The following COL5A2 variants were observed in gnomAD, a reference collection of about 807,000 sequenced individuals.
COL5A2 encodes the protein collagen type V alpha 2 chain.
A neutral mutation model predicts 208.2 loss-of-function variants in COL5A2; 23 were observed. The observed-to-expected ratio is 0.11, with a 90% CI of 0.08 to 0.16. The LOEUF (loss-of-function observed/expected upper bound fraction) is 0.16. Among genes scored for constraint, COL5A2 ranks in the 10% least tolerant of loss-of-function variants. The pLI, the probability that COL5A2 is intolerant of heterozygous loss-of-function variation, is 1.00. For missense variants in COL5A2, 1,590 were observed against 1,956.4 expected, an observed-to-expected ratio of 0.81 and a Z score of 3.53; for synonymous variants, 625 against 628.5, an observed-to-expected ratio of 0.99 and a Z score of 0.08.
At chr2:189,344,262 TG>T in the COL5A2 span, among the ~76,000 whole-genome samples, 1 of 152,164 alleles carries the variant, frequency 6.6e-6, no homozygotes, top group Non-Finnish European at 1.5e-5. Context: ...TGAACCAGAA[TG>T]TTGGACGAAA....
chr2:189,137,538 A>T (rs1687849084), intron 1 of COL5A2, among the ~76,000 whole-genome samples: 1 of 152,250 alleles, frequency 6.6e-6, no homozygotes. Context: ...TTAAACAAAA[A>T]ATGATACTTT....
chr2:189,255,401 C>T, the COL5A2 span, among the ~76,000 whole-genome samples: 1 of 152,144 alleles, frequency 6.6e-6, no homozygotes, highest in East Asian at 1.9e-4. Context: ...TTTTCTCCAT[C>T]CAAATGGCAA....
the COL5A2 span, among the ~76,000 whole-genome samples, chr2:189,401,544 A>T: frequency 1.3e-5 from 2 of 152,148 alleles, no homozygotes. Flanking sequence ...ATGTATCTTT[A>T]TAATAGAATG....
At chr2:189,053,857 A>T in intron 37 of COL5A2, 38 bp downstream of exon 37, 1 of 1,530,428 alleles carries the variant, frequency 6.5e-7, no homozygotes, top group South Asian at 1.1e-5. Flanking sequence ...TTTATTGCTC[A>T]ATCTCACACT....
chr2:189,337,374 G>A, the COL5A2 span, among the ~76,000 whole-genome samples: 1 of 151,532 alleles, frequency 6.6e-6, no homozygotes. Flanking sequence ...AGTAGAGACG[G>A]GGTTTCACCG....
At chr2:189,063,356 C>T in intron 26 of COL5A2, 86 bp from the exon 27 acceptor site, 1 of 1,076,200 alleles carries the variant, frequency 9.3e-7, no homozygotes. Flanking sequence ...TGCTTACTAT[C>T]ATGTTACATA....
At chr2:189,267,482 T>A in the COL5A2 span, among the ~76,000 whole-genome samples, 183 of 152,284 alleles carry the variant, frequency 1.2e-3, no homozygotes, top group Non-Finnish European at 2.2e-3. Flanking sequence ...ATGCATTTTT[T>A]AAATAATTGC....
At chr2:189,242,101 C>A in the COL5A2 span, among the ~76,000 whole-genome samples, 1 of 152,108 alleles carries the variant, frequency 6.6e-6, no homozygotes, top group African/African-American at 2.4e-5. Flanking sequence ...TATATACAGC[C>A]TATTAGCCTT....
chr2:189,373,792 T>C, the COL5A2 span, among the ~76,000 whole-genome samples: 1 of 151,814 alleles, frequency 6.6e-6, no homozygotes, highest in Non-Finnish European at 1.5e-5. Context: ...GAAAGAAGAG[T>C]GGAGATAAAG....
chr2:189,087,306 A>G (rs1410463125), intron 8 of COL5A2, among the ~76,000 whole-genome samples: 1 of 152,200 alleles, frequency 6.6e-6, no homozygotes, highest in African/African-American at 2.4e-5. Context: ...GAAACTATCC[A>G]CACAGGCTTT....
At chr2:189,295,608 C>T in the COL5A2 span, among the ~76,000 whole-genome samples, 1 of 151,766 alleles carries the variant, frequency 6.6e-6, no homozygotes. Context: ...GAATGAGACT[C>T]AGTCTCAAAA....
chr2:189,401,550 G>C, the COL5A2 span, among the ~76,000 whole-genome samples: 1 of 152,210 alleles, frequency 6.6e-6, no homozygotes, highest in South Asian at 2.1e-4. Flanking sequence ...CTTTATAATA[G>C]AATGATTTGT....
At chr2:189,183,273 G>T (rs1182508165), upstream of COL5A2, among the ~76,000 whole-genome samples, 2 of 151,930 alleles carry the variant, frequency 1.3e-5, no homozygotes, top group Non-Finnish European at 2.9e-5. Context: ...GGCTTCCCTG[G>T]TCTCACATAC....
chr2:189,320,354 G>A, the COL5A2 span, among the ~76,000 whole-genome samples: 7 of 151,934 alleles, frequency 4.6e-5, 1 homozygote, highest in Admixed American at 3.9e-4. Context: ...GGCTTCAGAC[G>A]ATCAAACGTC....
At chr2:189,404,754 G>A in the COL5A2 span, among the ~76,000 whole-genome samples, 2 of 152,128 alleles carry the variant, frequency 1.3e-5, no homozygotes, top group African/African-American at 4.8e-5. Context: ...AAATTATACA[G>A]GACTCATACA....
chr2:189,324,233 A>T, the COL5A2 span, among the ~76,000 whole-genome samples: 1 of 152,226 alleles, frequency 6.6e-6, no homozygotes, highest in African/African-American at 2.4e-5. Flanking sequence ...TCTAGGCAAT[A>T]CCACTCAAGA....
intron 1 of COL5A2, among the ~76,000 whole-genome samples, chr2:189,122,352 G>A (rs1687521292): frequency 6.6e-6 from 1 of 152,150 alleles, no homozygotes; most frequent in Non-Finnish European, 1.5e-5. Context: ...GGTGGTGGGG[G>A]TAAGGAAAAC....
chr2:189,129,651 T>A (rs1687673683), intron 1 of COL5A2, among the ~76,000 whole-genome samples: 2 of 152,176 alleles, frequency 1.3e-5, no homozygotes, highest in African/African-American at 2.4e-5. Flanking sequence ...ATTTAGGAAA[T>A]CATTTTCAAA....
chr2:189,138,056 C>T (rs1286934129), intron 1 of COL5A2, among the ~76,000 whole-genome samples: 1 of 152,068 alleles, frequency 6.6e-6, no homozygotes, highest in African/African-American at 2.4e-5. Flanking sequence ...CTCACTGCAA[C>T]CTCTGCCTCC....
Sources: gnomAD v4.1 joint callset for allele counts (sites outside exome capture counted in the v4.1 genomes callset) on GRCh38, gnomAD v4.1.1 for gene constraint, MANE v1.5 for transcripts, NCBI Gene and HGNC (gene_info 2026-07-23, HGNC 2026-07-21) for gene names.